PCDHA9: variants seen among roughly 807,000 people sequenced by gnomAD.
The protein encoded by PCDHA9 is protocadherin alpha-9.
In PCDHA9, 62 loss-of-function variants were observed where a neutral mutation model predicts 62.0. The ratio of observed to expected loss-of-function variants is 1.00; its 90% CI spans 0.81 to 1.23. PCDHA9 has a LOEUF of 1.23. Among genes scored for constraint, PCDHA9 ranks in the 50% most tolerant of loss-of-function variants. PCDHA9 has a pLI of 0.00. For missense variants in PCDHA9, 1,205 were observed against 1,249.8 expected (o/e 0.96, Z 0.54); for synonymous variants, 557 against 567.6 (o/e 0.98, Z 0.27).
At chr5:140,944,558 G>A (rs140707063) in intron 1 of PCDHA9, among the ~76,000 whole-genome samples, 10 of 152,230 alleles carry the variant, frequency 6.6e-5, no homozygotes, top group African/African-American at 2.2e-4. Flanking sequence ...TAGTTTTCCT[G>A]GCAACTTACT....
intron 1 of PCDHA9, chr5:140,968,750 G>A: frequency 6.2e-7 from 1 of 1,614,144 alleles, no homozygotes; most frequent in Non-Finnish European, 8.5e-7. Context: ...GACCGTGGTG[G>A]TCCGAGATAA....
At chr5:140,951,312 A>G (rs1316911878) in intron 1 of PCDHA9, among the ~76,000 whole-genome samples, 1 of 152,146 alleles carries the variant, frequency 6.6e-6, no homozygotes, top group Non-Finnish European at 1.5e-5. Flanking sequence ...TTAATGTGTT[A>G]TTCTTGAGAT....
At chr5:140,877,137 G>A in intron 1 of PCDHA9, 1 of 1,613,796 alleles carries the variant, frequency 6.2e-7, no homozygotes. Context: ...AGGTGTTCGT[G>A]CTGGACGAGA....
At chr5:140,920,932 G>A (rs2079937589) in intron 1 of PCDHA9, among the ~76,000 whole-genome samples, 1 of 151,286 alleles carries the variant, frequency 6.6e-6, no homozygotes, top group Admixed American at 6.6e-5. Flanking sequence ...AGGTGATCTA[G>A]CCCTTTCATT....
intron 1 of PCDHA9, chr5:140,858,192 T>A: frequency 6.3e-7 from 1 of 1,597,272 alleles, no homozygotes; most frequent in Non-Finnish European, 8.6e-7. Context: ...ACGCTGCTGC[T>A]GTACACTGCA....
rs1286159283 is a variant in PCDHA9 at position 140,856,342 on chromosome 5, C to G, written c.2394+5453C>G. The G allele has an allele frequency of 5.6e-6, 9 of 1,598,384 alleles. 1 individual carries two copies. In the Admixed American group the frequency reaches 1.3e-4, roughly 24 times the overall value. On this transcript the variant is annotated intron_variant, in intron 1 of 3. Transcript: ENST00000532602. ...ACCGCGAGGAGCTGTGCGGGCGGAG[C>G]GTGGAGTGCAGCATCCACCTGGAGG...
chr5:140,968,081 G>A, intron 1 of PCDHA9: 2 of 1,614,120 alleles, frequency 1.2e-6, no homozygotes, highest in Non-Finnish European at 1.7e-6. Context: ...CAACATCACG[G>A]TGACAGCCAC....
intron 1 of PCDHA9, chr5:140,862,477 A>G (rs1227905551): frequency 2.6e-6 from 1 of 379,090 alleles, no homozygotes; most frequent in African/African-American, 2.1e-5. Context: ...AAATCTATCC[A>G]TTGTTGGTAA....
At chr5:140,871,612 G>T in intron 1 of PCDHA9, 1 of 1,427,256 alleles carries the variant, frequency 7.0e-7, no homozygotes, top group East Asian at 2.5e-5. Flanking sequence ...TTTGAATATT[G>T]TTTTAGATAA....
chr5:140,902,783 G>A (rs1013396334), intron 1 of PCDHA9, among the ~76,000 whole-genome samples: 19 of 151,054 alleles, frequency 1.3e-4, no homozygotes, highest in Admixed American at 9.2e-4. Flanking sequence ...TCATAGCTTA[G>A]CTCTCACTTG....
intron 1 of PCDHA9, among the ~76,000 whole-genome samples, chr5:140,923,186 C>T (rs559668347): frequency 2.0e-5 from 3 of 152,206 alleles, no homozygotes; most frequent in African/African-American, 7.2e-5. Context: ...GATGCATCTA[C>T]TGCAGCAATT....
chr5:140,892,237 A>G (rs1288947116), intron 1 of PCDHA9, among the ~76,000 whole-genome samples: 13 of 152,180 alleles, frequency 8.5e-5, no homozygotes, highest in Non-Finnish European at 7.4e-5. Context: ...TTGTCTCCAC[A>G]TAAACCTGGT....
intron 1 of PCDHA9, chr5:140,856,464 T>C (rs2044012633): frequency 1.3e-6 from 2 of 1,598,082 alleles, no homozygotes; most frequent in Non-Finnish European, 1.7e-6. Flanking sequence ...GAACAAAAGC[T>C]CTCAATACCT....
At chr5:140,973,400 A>G (rs2096585870) in intron 1 of PCDHA9, among the ~76,000 whole-genome samples, 1 of 152,244 alleles carries the variant, frequency 6.6e-6, no homozygotes, top group Non-Finnish European at 1.5e-5. Flanking sequence ...AATCATATCT[A>G]TGAGCTTCCA....
intron 1 of PCDHA9, among the ~76,000 whole-genome samples, chr5:140,885,916 T>C (rs2060771663): frequency 1.3e-5 from 2 of 152,202 alleles, no homozygotes; most frequent in Admixed American, 1.3e-4. Flanking sequence ...CTTATAGATA[T>C]TAACTGTTTA....
Position 140,850,587 on chromosome 5 carries a change from G to A in PCDHA9, c.2092G>A (p.Val698Met). ...GPEVTLVDVN[V>M]YLIIAICAVS... is the part of the protein sequence containing the mutation. ...CGAGGTGACGCTGGTGGATGTCAAC[G>A]TGTACCTGATCATCGCCATCTGCGC... Residue 698 changes from valine to methionine, a missense_variant, in exon 1 of 4, where the codon GTG becomes ATG. This residue lies in a region of PCDHA9 where 887 missense variants were observed against 809.5 expected (regional missense o/e 1.10). Transcript: ENST00000532602. The A allele has an allele frequency of 6.3e-7, 1 of 1,598,490 alleles. No individual in the cohort carries two copies. Among genetic ancestry groups the A allele is most frequent in the South Asian group, 1.1e-5 (1 of 90,546 alleles).
intron 1 of PCDHA9, chr5:140,929,563 G>A: frequency 2.1e-6 from 1 of 470,088 alleles, no homozygotes; most frequent in Non-Finnish European, 3.6e-6. Context: ...ACCTATTTAA[G>A]AACAATAAAA....
At chr5:141,004,698 T>C (rs2098177351) in intron 3 of PCDHA9, among the ~76,000 whole-genome samples, 1 of 152,222 alleles carries the variant, frequency 6.6e-6, no homozygotes, top group East Asian at 1.9e-4. Context: ...AACCCAGTTT[T>C]AGGTGCCGAA....
intron 1 of PCDHA9, chr5:140,882,225 C>A (rs782533520): frequency 1.5e-5 from 23 of 1,559,462 alleles, no homozygotes; most frequent in Non-Finnish European, 1.8e-5. Flanking sequence ...TGAGGTAAGG[C>A]GTTGTATATA....
Sources: gnomAD v4.1 joint callset for allele counts (sites outside exome capture counted in the v4.1 genomes callset) on GRCh38, gnomAD v4.1.1 for gene constraint, gnomAD v4.1.1 regional missense constraint, MANE v1.5 for transcripts, NCBI Gene and HGNC (gene_info 2026-07-23, HGNC 2026-07-21) for gene names.